CHSY3: variants seen among roughly 807,000 people sequenced by gnomAD.
The protein encoded by CHSY3 is chondroitin sulfate synthase 3.
In CHSY3, 35 loss-of-function variants were observed where a neutral mutation model predicts 67.2. The ratio of observed to expected loss-of-function variants is 0.52; its 90% CI spans 0.40 to 0.69. The LOEUF (loss-of-function observed/expected upper bound fraction) is 0.69. Ranked by LOEUF, CHSY3 falls within the 30% of genes least tolerant of loss-of-function variation. CHSY3 has a pLI of 0.00. For missense variants in CHSY3, 1,069 were observed against 1,138.5 expected (o/e 0.94, Z 0.88); for synonymous variants, 474 against 434.7 (o/e 1.09, Z -1.12).
chr5:130,031,089 C>T (rs896524968), intron 2 of CHSY3, among the ~76,000 whole-genome samples: 3 of 150,892 alleles, frequency 2.0e-5, no homozygotes, highest in African/African-American at 7.3e-5. Flanking sequence ...TGGCTCATTC[C>T]GAGTGGTATG....
At position 130,121,467 on chromosome 5, in the gene CHSY3, A is replaced by T. The variant is rs534131394; in HGVS notation, c.1087-62762A>T. Among the ~76,000 whole-genome samples, 107 of 152,302 alleles carry T rather than the reference A, an allele frequency of 7.0e-4. 2 individuals are homozygous for T. In the South Asian group the frequency reaches 0.018, roughly 26 times the overall value. On this transcript the variant is annotated intron_variant, in intron 2 of 2. Coordinates refer to ENST00000305031, the MANE Select transcript of CHSY3 (RefSeq NM_175856.5). ...AAACATTTTTAAAATTCAGGGCCAG[A>T]GTATAAATCTATTAAAGGAGCTTCC...
At chr5:130,029,064 C>T (rs556035069) in intron 2 of CHSY3, among the ~76,000 whole-genome samples, 1 of 152,152 alleles carries the variant, frequency 6.6e-6, no homozygotes, top group East Asian at 1.9e-4. Context: ...GATAGACTGT[C>T]ATCAGTGCCG....
At chr5:130,112,183 CTTG>C (rs1767611519) in intron 2 of CHSY3, among the ~76,000 whole-genome samples, 1 of 152,074 alleles carries the variant, frequency 6.6e-6, no homozygotes, top group Non-Finnish European at 1.5e-5. Context: ...TATCAAACAA[CTTG>C]TTGTTCTCAT....
intron 2 of CHSY3, among the ~76,000 whole-genome samples, chr5:130,042,177 A>T (rs964033954): frequency 8.5e-5 from 13 of 152,154 alleles, no homozygotes; most frequent in African/African-American, 3.1e-4. Context: ...TCAAGGCTGC[A>T]GTGAGCTAAG....
intron 2 of CHSY3, among the ~76,000 whole-genome samples, chr5:130,172,391 C>T (rs2149733334): frequency 6.8e-6 from 1 of 147,642 alleles, no homozygotes; most frequent in South Asian, 2.1e-4. Flanking sequence ...AGTGCAATGG[C>T]ACCATCTCAA....
At chr5:130,184,173 T>C in intron 2 of CHSY3, 56 bp from the exon 3 acceptor site, 1 of 1,377,150 alleles carries the variant, frequency 7.3e-7, no homozygotes, top group Non-Finnish European at 9.4e-7. Flanking sequence ...TCGCTGGTTT[T>C]CTTTTTAGAT....
At position 130,125,870 on chromosome 5, in the gene CHSY3, A is replaced by G. The variant is rs548261114; in HGVS notation, c.1087-58359A>G. The stretch of plus-strand genomic sequence containing the variant: ...TGACTCCATCTCTTATGATTGTGCA[A>G]ACTGGTCTCAGGAGTGCCATCCTTT... On this transcript the variant is annotated intron_variant, in intron 2 of 2. Transcript: ENST00000305031. Among the ~76,000 whole-genome samples the G allele has an allele frequency of 9.2e-5, 14 of 152,298 alleles. No individual in the cohort carries two copies. In the South Asian group the frequency reaches 1.0e-3, roughly 11 times the overall value.
chr5:130,071,753 T>G (rs1207411942), intron 2 of CHSY3, among the ~76,000 whole-genome samples: 1 of 152,076 alleles, frequency 6.6e-6, no homozygotes, highest in Non-Finnish European at 1.5e-5. Context: ...CTAATTCATA[T>G]AATAATTATG....
intron 2 of CHSY3, among the ~76,000 whole-genome samples, chr5:129,959,942 C>T (rs1324097774): frequency 2.0e-5 from 3 of 151,982 alleles, no homozygotes; most frequent in Non-Finnish European, 2.9e-5. Flanking sequence ...AGTGTTTAAG[C>T]ATATTTGATA....
intron 2 of CHSY3, among the ~76,000 whole-genome samples, chr5:130,173,249 AGAC>A: frequency 6.6e-6 from 1 of 152,276 alleles, no homozygotes; most frequent in African/African-American, 2.4e-5. Flanking sequence ...AAAGAGAGAG[AGAC>A]AAGAGACAAA....
At chr5:130,130,276 T>G (rs1385599656) in intron 2 of CHSY3, among the ~76,000 whole-genome samples, 1 of 152,160 alleles carries the variant, frequency 6.6e-6, no homozygotes, top group Non-Finnish European at 1.5e-5. Flanking sequence ...AGATTTTTTA[T>G]AGTTTATGCA....
At chr5:129,973,977 A>G (rs963270855) in intron 2 of CHSY3, among the ~76,000 whole-genome samples, 4 of 152,072 alleles carry the variant, frequency 2.6e-5, no homozygotes, top group Admixed American at 2.0e-4. Flanking sequence ...CTAGGTCTGC[A>G]ACGCTCTTGT....
intron 2 of CHSY3, among the ~76,000 whole-genome samples, chr5:130,073,788 T>C (rs553078920): frequency 5.2e-4 from 79 of 152,312 alleles, no homozygotes; most frequent in African/African-American, 1.9e-3. Flanking sequence ...TAGTTTGCAG[T>C]GCATACTTAT....
At chr5:130,005,987 T>C (rs1763862652) in intron 2 of CHSY3, among the ~76,000 whole-genome samples, 1 of 152,150 alleles carries the variant, frequency 6.6e-6, no homozygotes, top group African/African-American at 2.4e-5. Flanking sequence ...GATATAGAAC[T>C]TAGTCTACTG....
chr5:129,905,213 A>T lies in CHSY3; in HGVS notation c.384A>T (p.Pro128=). ...PEGATGLPGA[P]AAEGEPEEED... is the part of the protein sequence containing the mutation. ...GCGCGACGGGGCTTCCCGGTGCTCC[A>T]GCGGCCGAGGGGGAGCCCGAGGAGG... Residue 128 remains proline (P), a synonymous_variant, in exon 1 of 3, where the codon CCA becomes CCT. Coordinates refer to ENST00000305031, the MANE Select transcript of CHSY3 (RefSeq NM_175856.5). The T allele has an allele frequency of 6.6e-7, 1 of 1,510,672 alleles. No individual in the cohort carries two copies. Among genetic ancestry groups the T allele is most frequent in the East Asian group, 2.6e-5 (1 of 38,950 alleles). The allele number at this position is 1,510,672 out of a possible 1,614,324, so 93.6% of individuals were successfully genotyped here. A position where few individuals can be genotyped will look rare whatever the true frequency, so the allele number is the denominator to read the frequency against.
chr5:130,127,056 C>A (rs1473704785), intron 2 of CHSY3, among the ~76,000 whole-genome samples: 1 of 152,146 alleles, frequency 6.6e-6, no homozygotes, highest in Non-Finnish European at 1.5e-5. Context: ...TATCTATTTT[C>A]CTCTGATACA....
At chr5:130,036,628 T>G (rs1000675356) in intron 2 of CHSY3, among the ~76,000 whole-genome samples, 2 of 152,172 alleles carry the variant, frequency 1.3e-5, no homozygotes, top group African/African-American at 4.8e-5. Flanking sequence ...TGGGCTCCAA[T>G]CCTAGTCCTG....
chr5:130,001,054 G>T (rs1025090249), intron 2 of CHSY3, among the ~76,000 whole-genome samples: 2 of 151,022 alleles, frequency 1.3e-5, no homozygotes, highest in Admixed American at 6.6e-5. Context: ...TTAACTTTTT[G>T]TATTTTTAGT....
chr5:130,074,840 A>AT (rs1201086438), intron 2 of CHSY3, among the ~76,000 whole-genome samples: 1 of 152,162 alleles, frequency 6.6e-6, no homozygotes, highest in Non-Finnish European at 1.5e-5. Context: ...AGGAAAGTTG[A>AT]TTTTTGAGAG....
Sources: gnomAD v4.1 joint callset for allele counts (sites outside exome capture counted in the v4.1 genomes callset) on GRCh38, gnomAD v4.1.1 for gene constraint, MANE v1.5 for transcripts, NCBI Gene and HGNC (gene_info 2026-07-23, HGNC 2026-07-21) for gene names.